GRM7: variants seen among roughly 807,000 people sequenced by gnomAD.
GRM7 encodes the protein glutamate metabotropic receptor 7, also known as metabotropic glutamate receptor 7.
Under a neutral mutation model 84.5 loss-of-function variants are expected in GRM7, and 35 were observed. That is an observed-to-expected ratio of 0.41 (90% CI 0.32 to 0.55). The LOEUF (loss-of-function observed/expected upper bound fraction) is 0.55, where lower values mean the gene tolerates loss of function less well. Ranked by LOEUF, GRM7 falls within the 20% of genes least tolerant of loss-of-function variation. The pLI is 0.19. For missense variants in GRM7, 1,003 were observed against 1,194.6 expected (o/e 0.84, Z 2.36); for synonymous variants, 487 against 455.1 (o/e 1.07, Z -0.89).
chr3:7,623,642 G>A (rs888385295), intron 8 of GRM7, among the ~76,000 whole-genome samples: 4 of 152,096 alleles, frequency 2.6e-5, no homozygotes, highest in African/African-American at 9.7e-5. Flanking sequence ...CATCTGTCTT[G>A]AAGCATCTCC....
chr3:7,730,961 G>T (rs1193628929), intron 9 of GRM7, among the ~76,000 whole-genome samples: 3 of 152,104 alleles, frequency 2.0e-5, no homozygotes, highest in Non-Finnish European at 2.9e-5. Context: ...TTTTAACTTA[G>T]CCAAGCTTAA....
chr3:7,634,639 A>T (rs547123285), intron 8 of GRM7, among the ~76,000 whole-genome samples: 1 of 152,048 alleles, frequency 6.6e-6, no homozygotes, highest in Admixed American at 6.5e-5. Context: ...CTAAAAATAC[A>T]TAAAATTAGC....
At chr3:7,437,214 G>C (rs935318195) in intron 5 of GRM7, among the ~76,000 whole-genome samples, 1 of 152,194 alleles carries the variant, frequency 6.6e-6, no homozygotes, top group African/African-American at 2.4e-5. Context: ...AGATAGTGCA[G>C]TCTATTTCAT....
chr3:7,642,096 A>G (rs898244852), intron 8 of GRM7, among the ~76,000 whole-genome samples: 14 of 152,200 alleles, frequency 9.2e-5, no homozygotes, highest in African/African-American at 3.4e-4. Context: ...TGAACTGTTA[A>G]CAAGGAACTT....
At chr3:7,475,695 A>G (rs1212501944) in intron 7 of GRM7, among the ~76,000 whole-genome samples, 1 of 152,210 alleles carries the variant, frequency 6.6e-6, no homozygotes, top group Non-Finnish European at 1.5e-5. Context: ...CTTTATAGTC[A>G]TTACCTGACA....
chr3:7,223,772 TAG>T, intron 2 of GRM7, among the ~76,000 whole-genome samples: 1 of 152,262 alleles, frequency 6.6e-6, no homozygotes, highest in African/African-American at 2.4e-5. Flanking sequence ...ATAATAGAAA[TAG>T]GTATGGGCAG....
chr3:6,998,616 C>A (rs1464855913), intron 1 of GRM7, among the ~76,000 whole-genome samples: 2 of 152,250 alleles, frequency 1.3e-5, no homozygotes, highest in East Asian at 3.8e-4. Flanking sequence ...CTGCACCAAA[C>A]TTCTGCCTGG....
intron 1 of GRM7, among the ~76,000 whole-genome samples, chr3:7,011,124 G>A (rs1357155235): frequency 6.6e-6 from 1 of 152,080 alleles, no homozygotes; most frequent in Admixed American, 6.6e-5. Flanking sequence ...TCTCTTACCT[G>A]ACAAAAATAA....
chr3:7,376,370 G>A (rs547830179), intron 4 of GRM7, among the ~76,000 whole-genome samples: 5 of 152,176 alleles, frequency 3.3e-5, no homozygotes, highest in South Asian at 2.1e-4. Flanking sequence ...TGTTCTCCTC[G>A]TGAATGCTAT....
intron 2 of GRM7, among the ~76,000 whole-genome samples, chr3:7,256,718 C>T (rs1698217814): frequency 6.6e-6 from 1 of 152,090 alleles, no homozygotes; most frequent in Admixed American, 6.5e-5. Flanking sequence ...TGAGCATCTG[C>T]TATATTCTAG....
intron 9 of GRM7, among the ~76,000 whole-genome samples, chr3:7,683,713 T>C (rs975874950): frequency 2.0e-5 from 3 of 152,260 alleles, no homozygotes; most frequent in Admixed American, 2.0e-4. Context: ...GAAATATAGC[T>C]ACTCAACTGA....
intron 6 of GRM7, among the ~76,000 whole-genome samples, chr3:7,459,004 T>C (rs1016993091): frequency 2.6e-5 from 4 of 152,256 alleles, no homozygotes; most frequent in African/African-American, 4.8e-5. Flanking sequence ...TTGTTATTGA[T>C]GTTTTTGTTG....
At chr3:6,976,913 C>G (rs1164707902) in intron 1 of GRM7, among the ~76,000 whole-genome samples, 1 of 152,158 alleles carries the variant, frequency 6.6e-6, no homozygotes, top group African/African-American at 2.4e-5. Flanking sequence ...ACTCATAGTT[C>G]TACCCCATTG....
intron 1 of GRM7, among the ~76,000 whole-genome samples, chr3:7,116,421 C>T (rs1693035239): frequency 6.6e-6 from 1 of 152,120 alleles, no homozygotes; most frequent in African/African-American, 2.4e-5. Flanking sequence ...AACTGAGGCC[C>T]AGAGAAATCT....
At chr3:7,482,865 G>A (rs41342845) in intron 7 of GRM7, among the ~76,000 whole-genome samples, 9,179 of 152,178 alleles carry the variant, frequency 0.06, 932 homozygotes, top group African/African-American at 0.2. Context: ...GCTGTGTTGC[G>A]TCATTTGGTG....
At chr3:6,995,879 G>A (rs529288702) in intron 1 of GRM7, among the ~76,000 whole-genome samples, 1 of 152,194 alleles carries the variant, frequency 6.6e-6, no homozygotes, top group South Asian at 2.1e-4. Context: ...TAGTAATTGA[G>A]TTCAAATTTT....
At chr3:7,731,033 A>C (rs1035044030) in intron 9 of GRM7, among the ~76,000 whole-genome samples, 9 of 151,930 alleles carry the variant, frequency 5.9e-5, no homozygotes, top group African/African-American at 2.2e-4. Flanking sequence ...GAACGACGTA[A>C]ACCTCTGTTT....
intron 2 of GRM7, among the ~76,000 whole-genome samples, chr3:7,251,434 A>G (rs1697983070): frequency 6.6e-6 from 1 of 152,156 alleles, no homozygotes; most frequent in African/African-American, 2.4e-5. Flanking sequence ...TTCACAAAAA[A>G]AGTATTGGAA....
At chr3:7,227,046 G>A (rs1229415193) in intron 2 of GRM7, among the ~76,000 whole-genome samples, 1 of 152,136 alleles carries the variant, frequency 6.6e-6, no homozygotes, top group East Asian at 1.9e-4. Flanking sequence ...TAGAAGAAAA[G>A]AGAATTCAAC....
Sources: gnomAD v4.1 joint callset for allele counts (sites outside exome capture counted in the v4.1 genomes callset) on GRCh38, gnomAD v4.1.1 for gene constraint, MANE v1.5 for transcripts, NCBI Gene and HGNC (gene_info 2026-07-23, HGNC 2026-07-21) for gene names.